Variants in SMURF1 observed in about 807,000 individuals in gnomAD.
SMURF1 encodes the protein SMAD specific E3 ubiquitin protein ligase 1.
In SMURF1, 44 loss-of-function variants were observed where a neutral mutation model predicts 98.0. The observed-to-expected ratio is 0.45, with a 90% CI of 0.35 to 0.58. The LOEUF is 0.58. Among genes scored for constraint, SMURF1 ranks in the 20% least tolerant of loss-of-function variants. SMURF1 has a pLI of 0.00. For missense variants in SMURF1, 687 were observed against 938.4 expected (o/e 0.73, Z 3.50); for synonymous variants, 396 against 374.9 (o/e 1.06, Z -0.65).
intron 6 of SMURF1, 133 bp downstream of exon 6, chr7:99,054,657 G>T: frequency 1.3e-6 from 1 of 758,120 alleles, no homozygotes; most frequent in Non-Finnish European, 2.2e-6. Context: ...CTGGTTCACA[G>T]TTTTATCCCA....
chr7:99,051,542 A>T, intron 7 of SMURF1, 101 bp from the exon 8 acceptor site: 7 of 887,794 alleles, frequency 7.9e-6, no homozygotes, highest in Non-Finnish European at 1.1e-5. Flanking sequence ...CTAAATCTAG[A>T]TAACACTCCC....
chr7:99,046,642 G>A (rs1795588584), intron 10 of SMURF1, among the ~76,000 whole-genome samples: 1 of 141,444 alleles, frequency 7.1e-6, no homozygotes, highest in African/African-American at 2.6e-5. Context: ...TGAGACAGGA[G>A]AATCGCTTGA....
chr7:99,046,403 T>C (rs1795575815), intron 10 of SMURF1, among the ~76,000 whole-genome samples: 1 of 152,074 alleles, frequency 6.6e-6, no homozygotes, highest in Admixed American at 6.5e-5. Context: ...ACTTAAGAAA[T>C]TTTTCGTGCT....
At chr7:99,124,267 C>T (rs1797700906) in intron 1 of SMURF1, among the ~76,000 whole-genome samples, 1 of 152,176 alleles carries the variant, frequency 6.6e-6, no homozygotes, top group Admixed American at 6.5e-5. Context: ...AGGTTGGCAG[C>T]AGTCTTAAAC....
At chr7:99,108,236 G>A (rs139212135) in intron 1 of SMURF1, among the ~76,000 whole-genome samples, 2 of 151,972 alleles carry the variant, frequency 1.3e-5, no homozygotes, top group African/African-American at 4.8e-5. Flanking sequence ...ATTTTGTTTT[G>A]ATACGGAGTC....
chr7:99,031,440 T>A (rs1268312170), intron 17 of SMURF1: 1 of 152,212 alleles, frequency 6.6e-6, no homozygotes, highest in Admixed American at 6.5e-5. Context: ...ACCCAGAGGA[T>A]GTACAGTGAC....
intron 1 of SMURF1, among the ~76,000 whole-genome samples, chr7:99,125,227 C>T (rs926811935): frequency 1.2e-4 from 19 of 152,232 alleles, no homozygotes; most frequent in African/African-American, 4.6e-4. Context: ...TACAAGCATG[C>T]ACCACCATGC....
chr7:99,069,955 C>G (rs2150554564), intron 1 of SMURF1, among the ~76,000 whole-genome samples: 1 of 152,340 alleles, frequency 6.6e-6, no homozygotes, highest in South Asian at 2.1e-4. Context: ...CTTTAGCACC[C>G]ACCGGCCATG....
At chr7:99,100,715 T>C (rs922457906) in intron 1 of SMURF1, among the ~76,000 whole-genome samples, 6 of 152,248 alleles carry the variant, frequency 3.9e-5, no homozygotes, top group African/African-American at 1.4e-4. Context: ...CTCATAGTCA[T>C]AGCTTATAAG....
intron 3 of SMURF1, 132 bp downstream of exon 3, chr7:99,060,467 T>G: frequency 1.8e-6 from 1 of 542,400 alleles, no homozygotes; most frequent in Non-Finnish European, 3.3e-6. Context: ...ATGTAGACAT[T>G]CATTTGGCCA....
At chr7:99,138,632 G>A (rs962362929) in intron 1 of SMURF1, among the ~76,000 whole-genome samples, 31 of 152,034 alleles carry the variant, frequency 2.0e-4, no homozygotes, top group African/African-American at 7.0e-4. Flanking sequence ...ATCCTAGTTT[G>A]ATAAATCACA....
At chr7:99,090,038 G>A (rs1467677444) in intron 1 of SMURF1, among the ~76,000 whole-genome samples, 1 of 152,188 alleles carries the variant, frequency 6.6e-6, no homozygotes, top group African/African-American at 2.4e-5. Context: ...CTGATGAATT[G>A]ACAAAGACTG....
chr7:99,104,040 C>T (rs1480651478), intron 1 of SMURF1, among the ~76,000 whole-genome samples: 1 of 151,998 alleles, frequency 6.6e-6, no homozygotes, highest in African/African-American at 2.4e-5. Flanking sequence ...GCGTGCGTCA[C>T]CACGCCTGGG....
At chr7:99,142,910 A>T (rs1286373372) in intron 1 of SMURF1, among the ~76,000 whole-genome samples, 1 of 122,564 alleles carries the variant, frequency 8.2e-6, no homozygotes. Context: ...GGCGGAGAGG[A>T]TGGGAAGCGA....
At chr7:99,107,232 T>C (rs1797213351) in intron 1 of SMURF1, among the ~76,000 whole-genome samples, 1 of 152,186 alleles carries the variant, frequency 6.6e-6, no homozygotes, top group Non-Finnish European at 1.5e-5. Context: ...AAGCATTCTT[T>C]TCTGGAAAAC....
At chr7:99,110,252 A>G (rs956920351) in intron 1 of SMURF1, among the ~76,000 whole-genome samples, 1 of 152,240 alleles carries the variant, frequency 6.6e-6, no homozygotes, top group Non-Finnish European at 1.5e-5. Flanking sequence ...CTAGAAATAA[A>G]CTTTAGAAAT....
chr7:99,085,286 G>A (rs1430274291), intron 1 of SMURF1, among the ~76,000 whole-genome samples: 1 of 150,018 alleles, frequency 6.7e-6, no homozygotes, highest in East Asian at 2.0e-4. Context: ...CCAGGAGGTG[G>A]AGAGTGCAGT....
At chr7:99,043,937 G>T (rs902823705) in intron 11 of SMURF1, among the ~76,000 whole-genome samples, 2 of 152,180 alleles carry the variant, frequency 1.3e-5, no homozygotes, top group African/African-American at 2.4e-5. Flanking sequence ...CGGCACAGAG[G>T]AGCAAGAGAA....
chr7:99,044,915 G>A lies in SMURF1; in HGVS notation c.1256+783C>T, dbSNP rs563212153. Among the ~76,000 whole-genome samples the A allele has an allele frequency of 7.9e-5, 12 of 152,280 alleles. No individual in the cohort carries two copies. The South Asian group carries it at 1.7e-3, about 21-fold the overall frequency. On this transcript the variant is annotated intron_variant, in intron 11 of 17. Transcript: ENST00000361368. ...CTTTGGGAGGCCAAGATGGGAGAGT[G>A]GCTTGAGCCCAGGAGTTTGAGACCA... is the stretch of plus-strand genomic sequence containing the variant.
Sources: allele counts gnomAD v4.1 joint callset (sites outside exome capture counted in the v4.1 genomes callset), GRCh38; gene constraint gnomAD v4.1.1; transcripts MANE v1.5; gene names NCBI Gene and HGNC (gene_info 2026-07-23, HGNC 2026-07-21).